Variants in TGM4 observed in about 807,000 individuals in gnomAD.
TGM4 encodes the protein protein-glutamine gamma-glutamyltransferase 4.
In TGM4, 61 loss-of-function variants were observed where a neutral mutation model predicts 76.3. The observed-to-expected ratio is 0.80, with a 90% CI of 0.65 to 0.99. The LOEUF is 0.99. Among genes scored for constraint, TGM4 ranks in the 50% least tolerant of loss-of-function variants. The pLI, the probability that TGM4 is intolerant of heterozygous loss-of-function variation, is 0.00. For missense variants in TGM4, 794 were observed against 843.2 expected (o/e 0.94, Z 0.72); for synonymous variants, 337 against 329.8 (o/e 1.02, Z -0.24).
chr3:44,895,745 G>A (rs1320777697), intron 5 of TGM4, among the ~76,000 whole-genome samples: 1 of 152,174 alleles, frequency 6.6e-6, no homozygotes, highest in Non-Finnish European at 1.5e-5. Context: ...TATTTTGGTA[G>A]TTTTTCCCTC....
Position 44,896,733 on chromosome 3 carries a change from T to C in TGM4, c.574T>C (p.Cys192Arg). 11 of 1,614,188 alleles carry C rather than the reference T, an allele frequency of 6.8e-6. No homozygotes were observed. Among genetic ancestry groups the C allele is most frequent in the Non-Finnish European group, 9.3e-6 (11 of 1,180,028 alleles). ...GQFEKNVLDC[C>R]ISLLTESSLK... Reference sequence around the variant, plus strand: ...GTTTGAGAAAAATGTCCTGGACTGCTGCATTTCCCTGCTGACTGAGAGCTC... The same window carrying C: ...GTTTGAGAAAAATGTCCTGGACTGCCGCATTTCCCTGCTGACTGAGAGCTC... Residue 192 changes from cysteine to arginine, a missense_variant, in exon 6 of 14, where the codon TGC becomes CGC. Cys to Arg is a radical substitution (Grantham distance 180). Transcript: ENST00000296125.
intron 13 of TGM4, among the ~76,000 whole-genome samples, chr3:44,911,690 G>A (rs890688663): frequency 1.3e-5 from 2 of 152,100 alleles, no homozygotes; most frequent in Admixed American, 1.3e-4. Flanking sequence ...ACTCTCTCCT[G>A]TGAATTGCCT....
chr3:44,913,481 T>G, intron 13 of TGM4, 103 bp from the exon 14 acceptor site: 304 of 1,439,558 alleles, frequency 2.1e-4, no homozygotes, highest in Non-Finnish European at 2.6e-4. Context: ...TCAAAGAGGC[T>G]GAGCTAAGGC....
chr3:44,888,269 G>C (rs1247316559), intron 3 of TGM4: 2 of 168,094 alleles, frequency 1.2e-5, no homozygotes, highest in African/African-American at 4.8e-5. Context: ...CCCTTTTTGG[G>C]AGCACTGGGT....
chr3:44,904,057 C>A, intron 9 of TGM4, 70 bp downstream of exon 9: 1 of 1,371,778 alleles, frequency 7.3e-7, no homozygotes, highest in Non-Finnish European at 1.0e-6. Flanking sequence ...TTCTGTGGGT[C>A]TTGGGTATGC....
chr3:44,907,616 C>T (rs952341423), intron 10 of TGM4, among the ~76,000 whole-genome samples: 1 of 152,214 alleles, frequency 6.6e-6, no homozygotes, highest in Non-Finnish European at 1.5e-5. Flanking sequence ...CTGGCCCCTG[C>T]AGAGCTGGCC....
intron 5 of TGM4, among the ~76,000 whole-genome samples, chr3:44,895,273 C>T (rs916732252): frequency 2.0e-5 from 3 of 151,980 alleles, no homozygotes; most frequent in Non-Finnish European, 2.9e-5. Flanking sequence ...CCAGCCTGAG[C>T]GACAGAGTGA....
chr3:44,886,389 A>T (rs1480959716), intron 2 of TGM4, among the ~76,000 whole-genome samples: 1 of 152,222 alleles, frequency 6.6e-6, no homozygotes, highest in African/African-American at 2.4e-5. Flanking sequence ...GGCATACAAT[A>T]GCACTTCCTG....
At chr3:44,879,416 T>C (rs1239270423) in intron 1 of TGM4, among the ~76,000 whole-genome samples, 1 of 150,460 alleles carries the variant, frequency 6.6e-6, no homozygotes, top group South Asian at 2.1e-4. Flanking sequence ...AAGCAATTCT[T>C]CTGCCTCAGC....
chr3:44,912,386 T>G (rs1319647764), intron 13 of TGM4, among the ~76,000 whole-genome samples: 1 of 152,224 alleles, frequency 6.6e-6, no homozygotes, highest in Non-Finnish European at 1.5e-5. Context: ...TAGTACTTTG[T>G]AGCACTGCCT....
chr3:44,908,680 A>C (rs987937270), intron 10 of TGM4, among the ~76,000 whole-genome samples: 13 of 152,076 alleles, frequency 8.5e-5, no homozygotes, highest in Non-Finnish European at 1.8e-4. Flanking sequence ...TTTAAAAATA[A>C]TTTTAATCTC....
chr3:44,885,827 T>C (rs1699599053), intron 2 of TGM4, among the ~76,000 whole-genome samples: 1 of 152,254 alleles, frequency 6.6e-6, no homozygotes, highest in East Asian at 1.9e-4. Context: ...GGTATGCTGA[T>C]GCCATAGCGG....
chr3:44,880,123 A>G (rs920072257), intron 1 of TGM4, among the ~76,000 whole-genome samples: 3 of 152,268 alleles, frequency 2.0e-5, no homozygotes, highest in Non-Finnish European at 4.4e-5. Context: ...GTTATTTTAT[A>G]GTCTGTATAT....
At position 44,894,858 on chromosome 3, in the gene TGM4, G is replaced by A. The variant is rs554843740; in HGVS notation, c.549+1163G>A. On this transcript the variant is annotated intron_variant, in intron 5 of 13. Transcript: ENST00000296125. ...CTCCACCCTCACTCATTCCTAGAAG[G>A]CCCTCAGCATCCTCTCCTCACACAT... Among the ~76,000 whole-genome samples, 3 of 152,164 alleles carry A rather than the reference G, an allele frequency of 2.0e-5. No individual in the cohort carries two copies. In the East Asian group the frequency reaches 5.8e-4, roughly 30 times the overall value.
At chr3:44,911,504 C>T in intron 13 of TGM4, 98 bp downstream of exon 13, 2 of 1,423,718 alleles carry the variant, frequency 1.4e-6, no homozygotes, top group African/African-American at 1.4e-5. Flanking sequence ...TATGGGGTCA[C>T]AGGGTCAAAA....
intron 1 of TGM4, 71 bp downstream of exon 1, chr3:44,874,768 C>T (rs1355272128): frequency 7.5e-6 from 12 of 1,598,658 alleles, no homozygotes; most frequent in Non-Finnish European, 1.0e-5. Context: ...GCTCTCTTGC[C>T]TCTGCCGGGT....
intron 2 of TGM4, among the ~76,000 whole-genome samples, chr3:44,887,110 A>G (rs1197337380): frequency 6.6e-6 from 1 of 152,174 alleles, no homozygotes; most frequent in Admixed American, 6.5e-5. Context: ...GGGACCAGAA[A>G]CCCAGTCATG....
intron 6 of TGM4, among the ~76,000 whole-genome samples, chr3:44,900,552 G>A (rs572235366): frequency 3.9e-5 from 6 of 152,256 alleles, no homozygotes; most frequent in Admixed American, 2.6e-4. Context: ...TTAAACAAAC[G>A]GACATCTTTA....
chr3:44,874,672 T>C lies in TGM4; in HGVS notation c.-7T>C, dbSNP rs1002769164. ...TTCCCTGGCATTGCAGGAGAGAATC[T>C]GAAGGGATGATGGATGCATCAAAAG... On this transcript the variant is annotated 5_prime_UTR_variant, in exon 1 of 14. Transcript: ENST00000296125. 9 of 1,614,200 alleles carry C rather than the reference T, an allele frequency of 5.6e-6. No homozygotes were observed. The South Asian group carries it at 9.9e-5, about 18-fold the overall frequency.
Sources: allele counts gnomAD v4.1 joint callset (sites outside exome capture counted in the v4.1 genomes callset), GRCh38; gene constraint gnomAD v4.1.1; transcripts MANE v1.5; gene names NCBI Gene and HGNC (gene_info 2026-07-23, HGNC 2026-07-21).